TAOK2: variants seen among roughly 807,000 people sequenced by gnomAD.
TAOK2 encodes TAO kinase 2, also known as serine/threonine-protein kinase TAO2.
A neutral mutation model predicts 122.5 loss-of-function variants in TAOK2; 42 were observed. The ratio of observed to expected loss-of-function variants is 0.34; its 90% CI spans 0.27 to 0.44. TAOK2 has a LOEUF of 0.44. TAOK2 is among the 20% of genes least tolerant of loss of function. TAOK2 has a pLI of 1.00. For missense variants in TAOK2, 1,264 were observed against 1,644.9 expected (o/e 0.77, Z 4.01); for synonymous variants, 704 against 677.6 (o/e 1.04, Z -0.61).
Position 29,982,856 on chromosome 16 carries a change from A to G in TAOK2, c.954A>G (p.Gln318=). 1.2e-6 allele frequency: 2 copies of G among 1,614,062 alleles called. No homozygotes were observed. Among genetic ancestry groups the G allele is most frequent in the East Asian group, 2.2e-5 (1 of 44,880 alleles). The change falls in exon 11 of 16, where the codon CAA becomes CAG. Residue 318 remains glutamine, a synonymous_variant. Transcript: ENST00000308893. ...GCAAGATGAAGAAGATCCTGTTCCAAGAGGCACCCAACGGCCCTGGTGCCG... is the reference window on the plus strand; with the variant it reads ...GCAAGATGAAGAAGATCCTGTTCCAGGAGGCACCCAACGGCCCTGGTGCCG... ...QYRKMKKILF[Q]EAPNGPGAEA...
downstream of TAOK2, chr16:29,989,987 T>C: frequency 1.6e-6 from 1 of 628,848 alleles, no homozygotes; most frequent in East Asian, 2.8e-5. Flanking sequence ...GTGGTTTTAT[T>C]CTTTCTCTTA....
downstream of TAOK2, chr16:29,989,031 G>A (rs146937368): frequency 8.3e-3 from 8,169 of 985,354 alleles, 53 homozygotes; most frequent in Middle Eastern, 0.011. Context: ...TCTCAGCTCG[G>A]TGCTTCTCCT....
At position 29,987,037 on chromosome 16, in the gene TAOK2, C is replaced by T. The variant is rs749733211; in HGVS notation, c.2765C>T (p.Pro922Leu). ...CCTAGGGATCCTGGAGATGGTTGTC[C>T]TTCCCCCGACATCCCTCCTGAACCC... ...GTPRDPGDGC[P>L]SPDIPPEPPP... The change falls in exon 16 of 16, where the codon CCT becomes CTT. Residue 922 changes from proline to leucine, a missense_variant. This residue lies in a region of TAOK2 where 824 missense variants were observed against 908.7 expected (regional missense o/e 0.91). Transcript: ENST00000308893. 2 of 1,612,008 alleles carry T rather than the reference C, an allele frequency of 1.2e-6. No individual in the cohort carries two copies. The highest frequency in any genetic ancestry group is 2.2e-5 in the South Asian group (2 of 90,862).
At position 29,987,590 on chromosome 16, in the gene TAOK2, G is replaced by T. The variant is rs200539809; in HGVS notation, c.3318G>T (p.Val1106=). ...GGGCCCTGCAGGGCTGTGGGGCTGT[G>T]GGGGACCGGGGTCTGTTTGCACTGT... ...AFRALQGCGA[V]GDRGLFALYP... The change falls in exon 16 of 16, where the codon GTG becomes GTT. Residue 1106 remains valine, a synonymous_variant. Coordinates refer to ENST00000308893, the MANE Select transcript of TAOK2 (RefSeq NM_016151.4). 1 of 1,612,396 alleles carries T rather than the reference G, an allele frequency of 6.2e-7. No homozygotes were observed. Among genetic ancestry groups the T allele is most frequent in the East Asian group, 2.2e-5 (1 of 44,842 alleles).
Position 29,988,279 on chromosome 16 carries a change from G to T in TAOK2, c.*299G>T. ...GGCCAGGGGTGGTGGAGGGTGGGAAGAGTCATGTTTTTTTTCTCCTCTTTG... is the reference window on the plus strand; with the variant it reads ...GGCCAGGGGTGGTGGAGGGTGGGAATAGTCATGTTTTTTTTCTCCTCTTTG... On this transcript the variant is annotated 3_prime_UTR_variant, in exon 16 of 16. Transcript: ENST00000308893. 6.8e-7 allele frequency: 1 copy of T among 1,471,370 alleles called. No individual in the cohort carries two copies. The allele number at this position is 1,471,370 out of a possible 1,614,324, so 91.1% of individuals were successfully genotyped here. A position where few individuals can be genotyped will look rare whatever the true frequency, so the allele number is the denominator to read the frequency against.
chr16:29,985,650 T>G lies in TAOK2; in HGVS notation c.1789-8T>G. On this transcript the variant is annotated splice_region_variant and splice_polypyrimidine_tract_variant and intron_variant, in intron 14 of 15. Transcript: ENST00000308893. This position sits in a 1 kb window ranked among gnomAD's most constrained non-coding sequence, Gnocchi z 6.9. ...GTCCTGACCCTGCTTCCCTCTGCAC[T>G]CGCCCAGGAGCTCCAGGAGAACCCC... The G allele has an allele frequency of 6.2e-7, 1 of 1,611,286 alleles. No individual in the cohort carries two copies. Among genetic ancestry groups the G allele is most frequent in the Middle Eastern group, 1.7e-4 (1 of 6,060 alleles).
downstream of TAOK2, chr16:29,989,733 G>C: frequency 6.2e-7 from 1 of 1,614,034 alleles, no homozygotes; most frequent in East Asian, 2.2e-5. Flanking sequence ...TCAAGGAAGA[G>C]CAGACCCGCA....
At chr16:29,981,150 T>C (rs905100479) in intron 8 of TAOK2, 1 of 190,802 alleles carries the variant, frequency 5.2e-6, no homozygotes, top group African/African-American at 2.3e-5. Flanking sequence ...AAAGCCCTTC[T>C]CTGAATTCCC....
In TAOK2 at chr16:29,986,637, C is replaced by A; in HGVS notation, c.2365C>A (p.Leu789Ile). 1.9e-6 allele frequency: 3 copies of A among 1,611,496 alleles called. No individual in the cohort carries two copies. The highest frequency in any genetic ancestry group is 1.1e-5 in the South Asian group (1 of 90,732). ...GGAGGCAGTCCTGGACCAAAGAATG[C>A]TTGGCGAGGAGGAGGAAGCAGTTGG... The part of the protein sequence containing the change: ...GQEAVLDQRM[L>I]GEEEEAVGER... The change falls in exon 16 of 16, where the codon CTT becomes ATT. Residue 789 changes from leucine to isoleucine, a missense_variant. By Grantham distance (5) the Leu-to-Ile change is conservative. Around this residue, in one of 4 missense-constraint regions of TAOK2, gnomAD observed 824 missense variants for 908.7 expected, o/e 0.91. Transcript: ENST00000308893. The surrounding 1 kb of genome is among the most constrained non-coding windows in gnomAD (Gnocchi z 4.2).
At chr16:29,988,894 G>C (rs1180969536), downstream of TAOK2, 3 of 985,234 alleles carry the variant, frequency 3.0e-6, no homozygotes, top group African/African-American at 1.7e-5. Flanking sequence ...TGAGGGGCCG[G>C]GCTGGAATGC....
intron 13 of TAOK2, among the ~76,000 whole-genome samples, chr16:29,983,926 C>T (rs1054148451): frequency 1.3e-5 from 2 of 152,226 alleles, no homozygotes; most frequent in Non-Finnish European, 2.9e-5. Context: ...ACTGACATCT[C>T]CTGGGTTGCC....
At chr16:29,990,921 G>A (rs765077255), downstream of TAOK2, 8 of 1,613,422 alleles carry the variant, frequency 5.0e-6, no homozygotes, top group African/African-American at 1.1e-4. Context: ...AGCTGCGGGA[G>A]CTGGAGCAGA....
rs755422473 is a variant in TAOK2, at chr16:29,979,113, G to T, written c.449+43G>T. 1 of 1,612,728 alleles carries T rather than the reference G, an allele frequency of 6.2e-7. No individual in the cohort carries two copies. Among genetic ancestry groups the T allele is most frequent in the Non-Finnish European group, 8.5e-7 (1 of 1,178,778 alleles). ...AGTGCCTGGGAGGGGAGTGCTATCT[G>T]CACCACCTGTCACTTAGCTGGGCTG... On this transcript the variant is annotated intron_variant, in intron 6 of 15. Coordinates refer to ENST00000308893, the MANE Select transcript of TAOK2 (RefSeq NM_016151.4). This position sits in a 1 kb window ranked among gnomAD's most constrained non-coding sequence, Gnocchi z 4.1.
At chr16:29,991,600 A>G, downstream of TAOK2, 1 of 1,442,272 alleles carries the variant, frequency 6.9e-7, no homozygotes, top group Non-Finnish European at 9.1e-7. The surrounding 1 kb of genome is among the most constrained non-coding windows in gnomAD (Gnocchi z 5.6). Flanking sequence ...TGAGCTGGGC[A>G]GGGCAGGGGT....
In TAOK2 at chr16:29,978,289, A is replaced by G. The variant is rs765255700; in HGVS notation, c.242A>G (p.Gln81Arg). ...QDIIKEVRFL[Q>R]KLRHPNTIQY... ...ATCATCAAGGAGGTGCGGTTCTTAC[A>G]GAAGCTCCGGCATCCCAACACCATT... Residue 81 changes from glutamine (Q) to arginine (R), a missense_variant, in exon 4 of 16, where the codon CAG becomes CGG. Around this residue, in one of 4 missense-constraint regions of TAOK2, gnomAD observed 254 missense variants for 503.8 expected, o/e 0.50. Transcript: ENST00000308893. 3 of 1,614,120 alleles carry G rather than the reference A, an allele frequency of 1.9e-6. No individual in the cohort carries two copies. Among genetic ancestry groups the G allele is most frequent in the South Asian group, 2.2e-5 (2 of 91,074 alleles).
In TAOK2 at chr16:29,985,848, A is replaced by T. The variant is rs746288522; in HGVS notation, c.1979A>T (p.Asp660Val). Reference protein sequence around the residue: ...MLLARHSLDQDLLREDLNKKQ... With the variant: ...MLLARHSLDQVLLREDLNKKQ... ...CTGGCTCGGCACAGCCTGGACCAGG[A>T]CCTGCTGCGGGAGGTAGGCATCCCA... Residue 660 changes from aspartate to valine, a missense_variant, in exon 15 of 16, where the codon GAC becomes GTC. Coordinates refer to ENST00000308893, the MANE Select transcript of TAOK2 (RefSeq NM_016151.4). The surrounding 1 kb of genome is among the most constrained non-coding windows in gnomAD (Gnocchi z 6.9). The T allele has an allele frequency of 3.7e-6, 6 of 1,611,432 alleles. No individual in the cohort carries two copies. Among genetic ancestry groups the T allele is most frequent in the Admixed American group, 1.7e-5 (1 of 59,952 alleles).
intron 8 of TAOK2, 58 bp from the exon 9 acceptor site, chr16:29,981,603 C>T: frequency 6.5e-7 from 1 of 1,535,958 alleles, no homozygotes; most frequent in Non-Finnish European, 9.0e-7. Flanking sequence ...CAGTTCCATT[C>T]CATTGTCCTC....
chr16:29,982,534 T>TA (rs1281529342), intron 10 of TAOK2, among the ~76,000 whole-genome samples, 200 bp from the exon 11 acceptor site: 17 of 152,106 alleles, frequency 1.1e-4, no homozygotes, highest in South Asian at 2.1e-4. Context: ...CAGCCATGCT[T>TA]AGAGGAAGAA....
At position 29,981,940 on chromosome 16, in the gene TAOK2, G is replaced by A. The variant is rs769050370; in HGVS notation, c.831G>A (p.Lys277=). The A allele has an allele frequency of 6.2e-7, 1 of 1,612,368 alleles. No individual in the cohort carries two copies. The highest frequency in any genetic ancestry group is 1.1e-5 in the South Asian group (1 of 90,866). ...QDRPTSEVLL[K]HRFVLRERPP... is the part of the protein sequence containing the mutation. The stretch of plus-strand genomic sequence containing the variant: ...GACCAACCTCAGAGGTTCTCCTGAA[G>A]GTGAGGGCCTGCTGGCCTAGCATTC... The change falls in exon 10 of 16, where the codon AAG becomes AAA. Residue 277 remains lysine (K), a splice_region_variant and synonymous_variant. Coordinates refer to ENST00000308893, the MANE Select transcript of TAOK2 (RefSeq NM_016151.4).
Sources: gnomAD v4.1 joint callset for allele counts (sites outside exome capture counted in the v4.1 genomes callset) on GRCh38, gnomAD v4.1.1 for gene constraint, gnomAD v4.1.1 regional missense constraint, Gnocchi (gnomAD v3.1) non-coding constraint, MANE v1.5 for transcripts, NCBI Gene and HGNC (gene_info 2026-07-23, HGNC 2026-07-21) for gene names.